SLC14A2: variants seen among roughly 807,000 people sequenced by gnomAD.
The protein encoded by SLC14A2 is urea transporter 2.
In SLC14A2, 91 loss-of-function variants were observed where a neutral mutation model predicts 104.6. The observed-to-expected ratio is 0.87, with a 90% CI of 0.73 to 1.04. SLC14A2 has a LOEUF of 1.04. Among genes scored for constraint, SLC14A2 ranks in the 50% least tolerant of loss-of-function variants. The pLI is 0.00. For synonymous variants in SLC14A2, 476 were observed against 466.4 expected, an observed-to-expected ratio of 1.02 and a Z score of -0.27; for missense variants, 1,189 against 1,156.0, an observed-to-expected ratio of 1.03 and a Z score of -0.41.
At chr18:45,243,450 C>G (rs2084337888) in intron 1 of SLC14A2, among the ~76,000 whole-genome samples, 1 of 152,186 alleles carries the variant, frequency 6.6e-6, no homozygotes, top group African/African-American at 2.4e-5. Context: ...TCAGAACCAG[C>G]AGTCACAGCT....
intron 10 of SLC14A2, among the ~76,000 whole-genome samples, chr18:45,651,070 A>G (rs2045729155): frequency 6.6e-6 from 1 of 152,002 alleles, no homozygotes; most frequent in African/African-American, 2.4e-5. Context: ...CTATCTTTCC[A>G]TTACCTGCAG....
chr18:45,676,267 T>C (rs1458457986), intron 18 of SLC14A2, among the ~76,000 whole-genome samples: 1 of 152,204 alleles, frequency 6.6e-6, no homozygotes, highest in Non-Finnish European at 1.5e-5. Context: ...TAGGCTCTCT[T>C]AGTGGCCCAT....
chr18:45,383,405 C>G (rs2085859220), intron 1 of SLC14A2, among the ~76,000 whole-genome samples: 1 of 152,128 alleles, frequency 6.6e-6, no homozygotes, highest in South Asian at 2.1e-4. Context: ...CTCATAGAAT[C>G]CCAAAGGCTG....
intron 8 of SLC14A2, among the ~76,000 whole-genome samples, chr18:45,642,422 G>A (rs534883627): frequency 1.3e-5 from 2 of 152,322 alleles, no homozygotes; most frequent in South Asian, 2.1e-4. Context: ...GGAATCATCT[G>A]GGAAGCCTAC....
intron 1 of SLC14A2, among the ~76,000 whole-genome samples, chr18:45,457,498 G>A (rs940437294): frequency 6.6e-6 from 1 of 152,104 alleles, no homozygotes; most frequent in African/African-American, 2.4e-5. Flanking sequence ...GGTAGCAAAG[G>A]GAGTTTCATA....
chr18:45,652,779 A>G (rs926252425), intron 10 of SLC14A2, among the ~76,000 whole-genome samples: 2 of 152,180 alleles, frequency 1.3e-5, no homozygotes, highest in African/African-American at 4.8e-5. Context: ...GGACAAGATT[A>G]TATCTTGGCC....
At chr18:45,170,140 C>T in the SLC14A2 span, among the ~76,000 whole-genome samples, 2 of 151,924 alleles carry the variant, frequency 1.3e-5, no homozygotes, top group African/African-American at 4.8e-5. Flanking sequence ...TGAGTCGTGG[C>T]TCGGTCACTC....
chr18:45,367,106 T>A (rs1026477406), intron 1 of SLC14A2, among the ~76,000 whole-genome samples: 1 of 152,166 alleles, frequency 6.6e-6, no homozygotes, highest in Non-Finnish European at 1.5e-5. Flanking sequence ...GTCAGTTTGG[T>A]TTTATATTTT....
chr18:45,589,243 G>A (rs1034025554), intron 2 of SLC14A2, among the ~76,000 whole-genome samples: 2 of 149,664 alleles, frequency 1.3e-5, no homozygotes, highest in East Asian at 2.0e-4. Context: ...TGCACAGAAC[G>A]ATTAAAGTTT....
chr18:45,203,113 T>C, the SLC14A2 span, among the ~76,000 whole-genome samples: 10 of 152,124 alleles, frequency 6.6e-5, no homozygotes, highest in Non-Finnish European at 1.2e-4. Context: ...GGGATGCTAA[T>C]GAGAGTAGTC....
chr18:45,422,877 C>T (rs945389411), intron 1 of SLC14A2, among the ~76,000 whole-genome samples: 4 of 152,164 alleles, frequency 2.6e-5, no homozygotes, highest in Non-Finnish European at 4.4e-5. Flanking sequence ...CTCATCAGTG[C>T]GATTTGTACA....
intron 1 of SLC14A2, among the ~76,000 whole-genome samples, chr18:45,443,987 A>T (rs2086723844): frequency 6.6e-6 from 1 of 152,202 alleles, no homozygotes; most frequent in Admixed American, 6.5e-5. Flanking sequence ...CTGGAAACAC[A>T]CATGGAGAGT....
In SLC14A2 at chr18:45,238,044, G is replaced by A. The variant is rs2144042052; in HGVS notation, c.-125+24853G>A. 2.6e-5 allele frequency among the ~76,000 whole-genome samples: 4 copies of A among 152,242 alleles called. No individual in the cohort carries two copies. The South Asian group carries it at 8.3e-4, about 32-fold the overall frequency. The stretch of plus-strand genomic sequence containing the variant: ...ACCAGATTCCACCCAAGGTCTCCGG[G>A]GAGACAAGCCAATATCTCTAGACTT... On this transcript the variant is annotated intron_variant, in intron 1 of 20. Coordinates refer to the SLC14A2 transcript ENST00000586448.
At chr18:45,368,714 G>T (rs180964674) in intron 1 of SLC14A2, among the ~76,000 whole-genome samples, 2 of 152,182 alleles carry the variant, frequency 1.3e-5, no homozygotes, top group African/African-American at 2.4e-5. Flanking sequence ...AAGTGGAGAC[G>T]AAAGGGCTCA....
intron 2 of SLC14A2, among the ~76,000 whole-genome samples, chr18:45,564,652 A>G (rs2044243314): frequency 6.6e-6 from 1 of 152,218 alleles, no homozygotes; most frequent in African/African-American, 2.4e-5. Context: ...TGCCAGGGAG[A>G]AACAATGGTT....
At chr18:45,172,703 G>A in the SLC14A2 span, among the ~76,000 whole-genome samples, 1 of 152,096 alleles carries the variant, frequency 6.6e-6, no homozygotes, top group Non-Finnish European at 1.5e-5. Context: ...CTGAAGTCAT[G>A]TCTGATGAAC....
intron 10 of SLC14A2, among the ~76,000 whole-genome samples, chr18:45,653,946 T>C (rs950770825): frequency 6.6e-6 from 1 of 152,130 alleles, no homozygotes; most frequent in African/African-American, 2.4e-5. Flanking sequence ...TAAAGGCAAA[T>C]GCTGGAGCGA....
chr18:45,575,235 C>T (rs565585440), intron 2 of SLC14A2, among the ~76,000 whole-genome samples: 2 of 152,272 alleles, frequency 1.3e-5, no homozygotes, highest in East Asian at 1.9e-4. Flanking sequence ...CCCTGAGCTA[C>T]AGTGAGTCTG....
At chr18:45,368,266 G>A (rs550522421) in intron 1 of SLC14A2, among the ~76,000 whole-genome samples, 14 of 152,270 alleles carry the variant, frequency 9.2e-5, no homozygotes, top group African/African-American at 3.4e-4. Flanking sequence ...TGTATAATTT[G>A]CCTTGTTGCT....
Sources: allele counts gnomAD v4.1 joint callset (sites outside exome capture counted in the v4.1 genomes callset), GRCh38; gene constraint gnomAD v4.1.1; transcripts MANE v1.5; gene names NCBI Gene and HGNC (gene_info 2026-07-23, HGNC 2026-07-21).